Variants in RBM46 observed in about 807,000 individuals in gnomAD.
The protein encoded by RBM46 is RNA binding motif protein 46.
RBM46 carries 12 observed loss-of-function variants against 43.3 expected under a neutral mutation model. That is an observed-to-expected ratio of 0.28 (90% CI 0.18 to 0.45). The LOEUF is 0.45. Among genes scored for constraint, RBM46 ranks in the 20% least tolerant of loss-of-function variants. The pLI, the probability that RBM46 is intolerant of heterozygous loss-of-function variation, is 1.00. For synonymous variants in RBM46, 205 were observed against 207.6 expected (o/e 0.99, Z 0.11); for missense variants, 412 against 639.1 (o/e 0.64, Z 3.83).
intron 4 of RBM46, among the ~76,000 whole-genome samples, chr4:154,801,153 A>G (rs948164348): frequency 1.3e-5 from 2 of 151,972 alleles, no homozygotes; most frequent in Non-Finnish European, 2.9e-5. Context: ...TAATTTTTGT[A>G]TTTTAAGTAG....
At chr4:154,801,362 A>G (rs1289497800) in intron 4 of RBM46, among the ~76,000 whole-genome samples, 1 of 152,136 alleles carries the variant, frequency 6.6e-6, no homozygotes, top group Non-Finnish European at 1.5e-5. Flanking sequence ...TAGTTTGGAG[A>G]TATTTGGGGA....
chr4:154,809,938 G>A (rs1034713532), intron 4 of RBM46, among the ~76,000 whole-genome samples: 1 of 152,016 alleles, frequency 6.6e-6, no homozygotes, highest in African/African-American at 2.4e-5. Context: ...GGTTGTTTAG[G>A]GATAGATGAT....
intron 4 of RBM46, among the ~76,000 whole-genome samples, chr4:154,806,019 A>G (rs1259370288): frequency 6.6e-6 from 1 of 151,898 alleles, no homozygotes; most frequent in Non-Finnish European, 1.5e-5. Context: ...CAGGATCAAC[A>G]TTTTACACAT....
At chr4:154,823,753 G>A (rs1735827337) in intron 4 of RBM46, among the ~76,000 whole-genome samples, 1 of 151,946 alleles carries the variant, frequency 6.6e-6, no homozygotes, top group Non-Finnish European at 1.5e-5. Context: ...ATACAGAAAG[G>A]TGGTAGACCA....
chr4:154,785,891 G>A (rs530168761), intron 1 of RBM46, among the ~76,000 whole-genome samples: 2 of 152,218 alleles, frequency 1.3e-5, no homozygotes, highest in South Asian at 4.2e-4. Context: ...AGTATTGGAG[G>A]TCATCTAAGG....
intron 4 of RBM46, among the ~76,000 whole-genome samples, chr4:154,805,697 A>G (rs959138964): frequency 6.6e-6 from 1 of 151,952 alleles, no homozygotes; most frequent in Non-Finnish European, 1.5e-5. Flanking sequence ...CAGAAATGCA[A>G]AAATAAAAAA....
At chr4:154,801,618 CTGAAA>C (rs1734644371) in intron 4 of RBM46, among the ~76,000 whole-genome samples, 2 of 152,114 alleles carry the variant, frequency 1.3e-5, no homozygotes. Flanking sequence ...CATGCTAATA[CTGAAA>C]TATTTTTAAA....
intron 1 of RBM46, among the ~76,000 whole-genome samples, chr4:154,785,702 G>C (rs1347542184): frequency 1.3e-5 from 2 of 152,168 alleles, no homozygotes; most frequent in Non-Finnish European, 2.9e-5. Context: ...TAGTGGGCCA[G>C]TATGATGTCC....
intron 4 of RBM46, among the ~76,000 whole-genome samples, chr4:154,821,631 T>C (rs1232277265): frequency 1.3e-5 from 2 of 151,852 alleles, no homozygotes; most frequent in Non-Finnish European, 1.5e-5. Context: ...AGTATCTGTT[T>C]TTTTATTCTT....
chr4:154,784,595 C>A lies in RBM46; in HGVS notation c.-12+3159C>A, dbSNP rs562453017. ...CTAGAGAGGAATCTTTGAAAGTCTA[C>A]AGTTTAGGGAAAAAAATACATATCT... On this transcript the variant is annotated intron_variant, in intron 1 of 4. Coordinates refer to ENST00000281722, the MANE Select transcript of RBM46 (RefSeq NM_144979.5). Among the ~76,000 whole-genome samples the A allele has an allele frequency of 2.0e-5, 3 of 152,166 alleles. No homozygotes were observed. In the East Asian group the frequency reaches 5.8e-4, roughly 29 times the overall value.
chr4:154,821,510 C>T (rs1333952253), intron 4 of RBM46, among the ~76,000 whole-genome samples: 2 of 151,466 alleles, frequency 1.3e-5, no homozygotes, highest in Non-Finnish European at 3.0e-5. Context: ...GAAAGTAGCA[C>T]CAAAAGGAGT....
chr4:154,803,778 G>A (rs2111156028), intron 4 of RBM46, among the ~76,000 whole-genome samples: 1 of 150,698 alleles, frequency 6.6e-6, no homozygotes, highest in Non-Finnish European at 1.5e-5. Context: ...GTAATCTGTA[G>A]GATAGTGAGT....
chr4:154,827,810 A>C (rs1736036040), intron 4 of RBM46, 58 bp from the exon 5 acceptor site: 1 of 1,604,474 alleles, frequency 6.2e-7, no homozygotes. Context: ...TTGTCTCTTT[A>C]AATTAAATTT....
intron 4 of RBM46, among the ~76,000 whole-genome samples, chr4:154,812,083 G>C (rs1429452656): frequency 6.7e-6 from 1 of 150,242 alleles, no homozygotes; most frequent in Non-Finnish European, 1.5e-5. Context: ...ATCCTAGTTA[G>C]CATAAGAGGC....
At chr4:154,808,982 T>C (rs1413627871) in intron 4 of RBM46, among the ~76,000 whole-genome samples, 1 of 151,858 alleles carries the variant, frequency 6.6e-6, no homozygotes, top group Non-Finnish European at 1.5e-5. Context: ...GTGAAGGCAC[T>C]CACTTAGTTT....
chr4:154,782,863 C>T (rs1247705561), intron 1 of RBM46, among the ~76,000 whole-genome samples: 1 of 152,038 alleles, frequency 6.6e-6, no homozygotes, highest in Admixed American at 6.6e-5. Context: ...GGATATGTTG[C>T]GTGTATAAGG....
intron 4 of RBM46, among the ~76,000 whole-genome samples, chr4:154,819,221 C>T (rs542191832): frequency 6.6e-6 from 1 of 152,144 alleles, no homozygotes; most frequent in Admixed American, 6.5e-5. Flanking sequence ...ACTGACAAAC[C>T]CAGATTGCTT....
intron 1 of RBM46, among the ~76,000 whole-genome samples, chr4:154,788,410 G>A (rs991674859): frequency 2.6e-5 from 4 of 152,140 alleles, no homozygotes; most frequent in African/African-American, 9.7e-5. Flanking sequence ...CATATGGCTA[G>A]CCAGTTTTCC....
At chr4:154,804,077 T>C (rs1274578169) in intron 4 of RBM46, among the ~76,000 whole-genome samples, 1 of 152,198 alleles carries the variant, frequency 6.6e-6, no homozygotes, top group African/African-American at 2.4e-5. Flanking sequence ...CCCTCAGCCA[T>C]GAATAAAAGT....
Sources: allele counts gnomAD v4.1 joint callset (sites outside exome capture counted in the v4.1 genomes callset), GRCh38; gene constraint gnomAD v4.1.1; transcripts MANE v1.5; gene names NCBI Gene and HGNC (gene_info 2026-07-23, HGNC 2026-07-21).